Variants in NEK1 observed in about 807,000 individuals in gnomAD.
NEK1 encodes the protein serine/threonine-protein kinase Nek1.
Under a neutral mutation model 182.1 loss-of-function variants are expected in NEK1, and 137 were observed. The ratio of observed to expected loss-of-function variants is 0.75; its 90% CI spans 0.65 to 0.87. The LOEUF (loss-of-function observed/expected upper bound fraction) is 0.87. Ranked by LOEUF, NEK1 falls within the 40% of genes least tolerant of loss-of-function variation. The probability of loss-of-function intolerance (pLI) is 0.00; values close to 1 mark genes in which losing one functional copy is unlikely to be tolerated. For missense variants in NEK1, 1,391 were observed against 1,494.4 expected (o/e 0.93, Z 1.14); for synonymous variants, 513 against 492.2 (o/e 1.04, Z -0.56).
chr4:169,499,558 G>A (rs1384702732), intron 23 of NEK1, among the ~76,000 whole-genome samples: 1 of 152,068 alleles, frequency 6.6e-6, no homozygotes, highest in Non-Finnish European at 1.5e-5. Context: ...CTTTGATGAT[G>A]GTGACATACA....
intron 19 of NEK1, among the ~76,000 whole-genome samples, chr4:169,531,440 A>T (rs1757658791): frequency 6.6e-6 from 1 of 150,402 alleles, no homozygotes; most frequent in South Asian, 2.1e-4. Flanking sequence ...GATGTGAGAA[A>T]TTTGAAAATA....
intron 19 of NEK1, among the ~76,000 whole-genome samples, chr4:169,535,895 A>AG (rs1008523098): frequency 1.3e-5 from 2 of 151,312 alleles, no homozygotes; most frequent in African/African-American, 4.9e-5. Context: ...AAAAAAAAAA[A>AG]AGAAAAGAAA....
At chr4:169,545,931 C>G (rs1760352119) in intron 18 of NEK1, among the ~76,000 whole-genome samples, 1 of 152,156 alleles carries the variant, frequency 6.6e-6, no homozygotes, top group South Asian at 2.1e-4. Flanking sequence ...AGGATACAAA[C>G]AAATGGAAGA....
intron 12 of NEK1, among the ~76,000 whole-genome samples, chr4:169,573,963 C>A (rs1460577264): frequency 1.3e-5 from 2 of 152,144 alleles, no homozygotes; most frequent in Non-Finnish European, 2.9e-5. Context: ...GAGTTTGAGA[C>A]AAGCCTGGGT....
chr4:169,489,816 GCT>G (rs570454299), intron 23 of NEK1, among the ~76,000 whole-genome samples: 178 of 152,258 alleles, frequency 1.2e-3, no homozygotes, highest in Non-Finnish European at 2.0e-3. Context: ...CAGAGTCACA[GCT>G]ATATCCCTGC....
At chr4:169,483,815 G>A (rs1580086974) in intron 23 of NEK1, among the ~76,000 whole-genome samples, 1 of 141,864 alleles carries the variant, frequency 7.0e-6, no homozygotes, top group South Asian at 2.2e-4. Context: ...GCAGTGAGCC[G>A]AGACTGTGCC....
intron 31 of NEK1, among the ~76,000 whole-genome samples, chr4:169,416,765 T>TA (rs1160426066): frequency 2.6e-5 from 4 of 152,044 alleles, no homozygotes; most frequent in Non-Finnish European, 5.9e-5. Context: ...ATTAGCCAGA[T>TA]ATGGTGAAGC....
rs1289990698 is a variant in NEK1 at position 169,438,263 on chromosome 4, T to G, written c.2588-4A>C. ...TTTTCCCCTTCGGGAGAAATCTCTG[T>G]GAAAACAAAAAATAAAAAATCATGC... On this transcript the variant is annotated splice_polypyrimidine_tract_variant and splice_region_variant and intron_variant, in intron 27 of 35. Coordinates refer to ENST00000507142, the MANE Select transcript of NEK1 (RefSeq NM_001199397.3). 10 of 1,520,592 alleles carry G rather than the reference T, an allele frequency of 6.6e-6. No individual in the cohort carries two copies. Among genetic ancestry groups the G allele is most frequent in the Non-Finnish European group, 8.8e-6 (10 of 1,131,592 alleles). The allele number at this position is 1,520,592 out of a possible 1,614,324, so 94.2% of individuals were successfully genotyped here. A position where few individuals can be genotyped will look rare whatever the true frequency, so the allele number is the denominator to read the frequency against.
chr4:169,528,279 C>A (rs955554892), intron 19 of NEK1, among the ~76,000 whole-genome samples: 1 of 152,104 alleles, frequency 6.6e-6, no homozygotes, highest in African/African-American at 2.4e-5. Flanking sequence ...CCACAGGTTG[C>A]CTTTGCTTGA....
chr4:169,598,220 A>G (rs1452579236), intron 5 of NEK1, among the ~76,000 whole-genome samples: 2 of 152,182 alleles, frequency 1.3e-5, no homozygotes, highest in Admixed American at 1.3e-4. Context: ...TGGGGCAAGT[A>G]CTTAACCTCT....
intron 12 of NEK1, among the ~76,000 whole-genome samples, chr4:169,569,599 C>G (rs1318344693): frequency 1.3e-5 from 2 of 152,116 alleles, no homozygotes; most frequent in African/African-American, 2.4e-5. Flanking sequence ...CTGCCTGATT[C>G]TCCTGCCTCA....
chr4:169,592,410 T>TTA (rs1768676611), intron 5 of NEK1, among the ~76,000 whole-genome samples: 1 of 152,200 alleles, frequency 6.6e-6, no homozygotes, highest in South Asian at 2.1e-4. Context: ...AGCACTTCTA[T>TTA]GTATACTGTT....
At chr4:169,444,889 C>T (rs1031343846) in intron 27 of NEK1, among the ~76,000 whole-genome samples, 1 of 152,152 alleles carries the variant, frequency 6.6e-6, no homozygotes, top group Non-Finnish European at 1.5e-5. Flanking sequence ...GTAACTACTT[C>T]ATATCAAGTA....
At position 169,537,989 on chromosome 4, in the gene NEK1, ATTTT is replaced by A. The variant is rs981667062; in HGVS notation, c.1563-82_1563-79del. 8 of 1,025,114 alleles carry A rather than the reference ATTTT, an allele frequency of 7.8e-6. No individual in the cohort carries two copies. The South Asian group carries it at 1.5e-4, about 19-fold the overall frequency. The allele number at this position is 1,025,114 out of a possible 1,614,324, so 63.5% of individuals were successfully genotyped here. On this transcript the variant is annotated intron_variant, in intron 18 of 35. Coordinates refer to ENST00000507142, the MANE Select transcript of NEK1 (RefSeq NM_001199397.3). ...AAGTTAAAAATTACATTTATCCTAA[ATTTT>A]TTTTTCATTTCAGAATATGAAGGCT...
At chr4:169,564,237 C>G (rs889964723) in intron 12 of NEK1, among the ~76,000 whole-genome samples, 2 of 152,026 alleles carry the variant, frequency 1.3e-5, no homozygotes, top group Admixed American at 1.3e-4. Flanking sequence ...AAAAAGCATA[C>G]TGTACAATTT....
chr4:169,571,191 T>A (rs111470592), intron 12 of NEK1, among the ~76,000 whole-genome samples: 8,364 of 119,530 alleles, frequency 0.07, 796 homozygotes, highest in African/African-American at 0.26. Context: ...AATAAATAAA[T>A]AAATAAATAA....
chr4:169,556,163 A>G (rs1762138189), intron 16 of NEK1, 68 bp from the exon 17 acceptor site: 1 of 1,395,376 alleles, frequency 7.2e-7, no homozygotes. Flanking sequence ...ACTAGTCTCA[A>G]AAGAAAAAGT....
At chr4:169,408,483 TATTTC>T (rs1470360190) in intron 31 of NEK1, among the ~76,000 whole-genome samples, 1 of 152,196 alleles carries the variant, frequency 6.6e-6, no homozygotes, top group Non-Finnish European at 1.5e-5. Flanking sequence ...TGATTTTTTT[TATTTC>T]AATAGTTTTT....
At chr4:169,469,036 T>C (rs761627304) in intron 26 of NEK1, among the ~76,000 whole-genome samples, 2 of 151,980 alleles carry the variant, frequency 1.3e-5, no homozygotes, top group African/African-American at 2.4e-5. Flanking sequence ...TAGCCGTCTA[T>C]CTATTTTGTT....
Sources: gnomAD v4.1 joint callset for allele counts (sites outside exome capture counted in the v4.1 genomes callset) on GRCh38, gnomAD v4.1.1 for gene constraint, MANE v1.5 for transcripts, NCBI Gene and HGNC (gene_info 2026-07-23, HGNC 2026-07-21) for gene names.